Variants in ZMYND8 observed in about 807,000 individuals in gnomAD.
ZMYND8 encodes the protein zinc finger MYND-type containing 8.
ZMYND8 carries 37 observed loss-of-function variants against 140.8 expected under a neutral mutation model. That is an observed-to-expected ratio of 0.26 (90% CI 0.20 to 0.35). ZMYND8 has a LOEUF of 0.35. ZMYND8 is among the 10% of genes least tolerant of loss of function. The pLI, the probability that ZMYND8 is intolerant of heterozygous loss-of-function variation, is 1.00. For synonymous variants in ZMYND8, 592 were observed against 597.1 expected, an observed-to-expected ratio of 0.99 and a Z score of 0.12; for missense variants, 1,068 against 1,570.0, an observed-to-expected ratio of 0.68 and a Z score of 5.40.
chr20:47,278,205 A>C (rs2076375751), intron 10 of ZMYND8, among the ~76,000 whole-genome samples: 2 of 151,882 alleles, frequency 1.3e-5, no homozygotes, highest in African/African-American at 4.8e-5. Flanking sequence ...ATGGTCTTGA[A>C]CTCCTGAACT....
At chr20:47,232,024 A>C (rs759398048) in intron 16 of ZMYND8, among the ~76,000 whole-genome samples, 2 of 152,222 alleles carry the variant, frequency 1.3e-5, no homozygotes, top group Non-Finnish European at 2.9e-5. Flanking sequence ...ATCAGCTCCC[A>C]AAAAATGTCA....
intron 1 of ZMYND8, chr20:47,348,187 AT>A: frequency 4.1e-6 from 2 of 483,930 alleles, no homozygotes; most frequent in East Asian, 3.9e-5. Context: ...GCAAAAGGCA[AT>A]TTTTTAGACA....
intron 2 of ZMYND8, among the ~76,000 whole-genome samples, chr20:47,346,909 G>A (rs746723057): frequency 4.6e-5 from 7 of 152,114 alleles, no homozygotes; most frequent in African/African-American, 1.2e-4. Flanking sequence ...CTGGCGACAC[G>A]CTGTCTTGTA....
intron 9 of ZMYND8, among the ~76,000 whole-genome samples, chr20:47,283,262 T>C (rs1039231371): frequency 6.6e-6 from 1 of 152,210 alleles, no homozygotes; most frequent in African/African-American, 2.4e-5. Flanking sequence ...TTTAAGCTCA[T>C]CTTATTATCT....
chr20:47,304,105 T>C (rs75780316), intron 3 of ZMYND8, among the ~76,000 whole-genome samples: 7,549 of 152,272 alleles, frequency 0.05, 245 homozygotes, highest in East Asian at 0.085. Flanking sequence ...CTCCCCTACA[T>C]GTATAATGTG....
chr20:47,343,032 C>A (rs148339985), intron 2 of ZMYND8, among the ~76,000 whole-genome samples: 110 of 152,236 alleles, frequency 7.2e-4, no homozygotes, highest in African/African-American at 2.5e-3. Flanking sequence ...GTAACCCCAG[C>A]ACTTTGGGAG....
intron 21 of ZMYND8, among the ~76,000 whole-genome samples, chr20:47,218,693 G>A (rs1352052500): frequency 1.3e-5 from 2 of 152,158 alleles, no homozygotes; most frequent in Admixed American, 6.5e-5. Flanking sequence ...CCTGTTACAA[G>A]GGGAAGTGAA....
intron 16 of ZMYND8, among the ~76,000 whole-genome samples, chr20:47,231,462 A>G (rs1344803201): frequency 6.6e-6 from 1 of 152,224 alleles, no homozygotes; most frequent in East Asian, 1.9e-4. Context: ...TAAATGAAAA[A>G]AACCACGCAA....
At chr20:47,216,207 G>A (rs1032598310) in intron 21 of ZMYND8, among the ~76,000 whole-genome samples, 14 of 152,072 alleles carry the variant, frequency 9.2e-5, no homozygotes, top group African/African-American at 3.4e-4. Context: ...CACAACACAG[G>A]CCTCTGGCCA....
chr20:47,222,658 G>A (rs1445279588), intron 19 of ZMYND8, among the ~76,000 whole-genome samples: 1 of 152,208 alleles, frequency 6.6e-6, no homozygotes, highest in Non-Finnish European at 1.5e-5. Context: ...ACAGCAAAAG[G>A]CTCATCAGAC....
rs1362883580 is a variant in ZMYND8 at position 47,209,478 on chromosome 20, A to G, written c.*1283T>C. Reference sequence around the variant, plus strand: ...CTATTTTTTTTTTTTGACAACTGCAATTCACAAATGTTCTTTCTCTCCTGT... The same window carrying G: ...CTATTTTTTTTTTTTGACAACTGCAGTTCACAAATGTTCTTTCTCTCCTGT... On this transcript the variant is annotated 3_prime_UTR_variant, in exon 23 of 23. Transcript: ENST00000471951. 2 of 151,866 alleles carry G rather than the reference A, an allele frequency of 1.3e-5. No homozygotes were observed. Among genetic ancestry groups the G allele is most frequent in the Non-Finnish European group, 2.9e-5 (2 of 68,004 alleles). 9.4% of individuals were successfully genotyped at this position (151,866 alleles called of 1,614,324 possible). A position where few individuals can be genotyped will look rare whatever the true frequency, so the allele number is the denominator to read the frequency against.
chr20:47,269,262 A>C (rs904215736), intron 11 of ZMYND8, among the ~76,000 whole-genome samples: 5 of 152,196 alleles, frequency 3.3e-5, no homozygotes, highest in South Asian at 2.1e-4. Context: ...AAAAAATCCA[A>C]GTCAATATAC....
At chr20:47,324,344 C>T (rs931011925) in intron 2 of ZMYND8, among the ~76,000 whole-genome samples, 1 of 151,812 alleles carries the variant, frequency 6.6e-6, no homozygotes, top group African/African-American at 2.4e-5. Context: ...TGGTAAAACC[C>T]CATCTCTACT....
At chr20:47,345,298 G>A (rs1027550695) in intron 2 of ZMYND8, among the ~76,000 whole-genome samples, 1 of 152,094 alleles carries the variant, frequency 6.6e-6, no homozygotes, top group Non-Finnish European at 1.5e-5. Flanking sequence ...ACACACAGGG[G>A]CCCCAAGGAA....
At position 47,262,283 on chromosome 20, in the gene ZMYND8, C is replaced by T; in HGVS notation, c.1621+5G>A. On this transcript the variant is annotated splice_donor_5th_base_variant and intron_variant, in intron 12 of 22. Coordinates refer to ENST00000471951, the MANE Select transcript of ZMYND8 (RefSeq NM_001281775.3). ...AGAAAGATACTGGCAAAAATTCTGA[C>T]TGACCCAGGTTAAGATTCAGGATGC... is the stretch of plus-strand genomic sequence containing the variant. 1 of 1,614,106 alleles carries T rather than the reference C, an allele frequency of 6.2e-7. No homozygotes were observed. The highest frequency in any genetic ancestry group is 8.5e-7 in the Non-Finnish European group (1 of 1,180,000).
At chr20:47,273,796 G>A (rs533040702) in intron 11 of ZMYND8, among the ~76,000 whole-genome samples, 160 of 152,184 alleles carry the variant, frequency 1.1e-3, no homozygotes, top group African/African-American at 3.4e-3. Context: ...CTACGTTACT[G>A]CAACAATGAC....
At chr20:47,271,415 A>C (rs1378653513) in intron 11 of ZMYND8, among the ~76,000 whole-genome samples, 1 of 152,210 alleles carries the variant, frequency 6.6e-6, no homozygotes, top group Non-Finnish European at 1.5e-5. Context: ...ATGTATCAGA[A>C]AAGTCCGCAC....
intron 8 of ZMYND8, among the ~76,000 whole-genome samples, chr20:47,286,239 GCTAT>G (rs1334051464): frequency 6.6e-6 from 1 of 150,746 alleles, no homozygotes; most frequent in Non-Finnish European, 1.5e-5. Context: ...GTGTAGTGGT[GCTAT>G]CTTGGCTCAC....
rs2077788395 is a variant in ZMYND8, at chr20:47,298,458, G to T, written c.453+271C>A. 2.0e-6 allele frequency: 2 copies of T among 985,296 alleles called. No homozygotes were observed. The highest frequency in any genetic ancestry group is 1.2e-4 in the Admixed American group (2 of 16,260). The allele number at this position is 985,296 out of a possible 1,614,324, so 61.0% of individuals were successfully genotyped here. On this transcript the variant is annotated intron_variant, in intron 4 of 22. Coordinates refer to ENST00000471951, the MANE Select transcript of ZMYND8 (RefSeq NM_001281775.3). This position sits in a 1 kb window ranked among gnomAD's most constrained non-coding sequence, Gnocchi z 5.0. ...AACTTTCAAAAAGTTCATCATAGAA[G>T]ATGCAGAGATGACGACTACAGATCT...
Sources: gnomAD v4.1 joint callset for allele counts (sites outside exome capture counted in the v4.1 genomes callset) on GRCh38, gnomAD v4.1.1 for gene constraint, Gnocchi (gnomAD v3.1) non-coding constraint, MANE v1.5 for transcripts, NCBI Gene and HGNC (gene_info 2026-07-23, HGNC 2026-07-21) for gene names.